The following DIP2C variants were observed in gnomAD, a reference collection of about 807,000 sequenced individuals.
The protein encoded by DIP2C is DIP2 acetate--CoA ligase C (putative), also known as disco-interacting protein 2 homolog C.
In DIP2C, 33 loss-of-function variants were observed where a neutral mutation model predicts 192.4. The ratio of observed to expected loss-of-function variants is 0.17; its 90% CI spans 0.13 to 0.23. The LOEUF is 0.23. Among genes scored for constraint, DIP2C ranks in the 10% least tolerant of loss-of-function variants. The probability of loss-of-function intolerance (pLI) is 1.00; values close to 1 mark genes in which losing one functional copy is unlikely to be tolerated. For synonymous variants in DIP2C, 979 were observed against 864.1 expected (o/e 1.13, Z -2.33); for missense variants, 1,537 against 2,110.1 (o/e 0.73, Z 5.32).
intron 1 of DIP2C, among the ~76,000 whole-genome samples, chr10:563,549 T>C (rs1292976996): frequency 6.6e-6 from 1 of 152,168 alleles, no homozygotes; most frequent in East Asian, 1.9e-4. Flanking sequence ...TATTTCCAAC[T>C]CGCAGGAAAG....
intron 32 of DIP2C, among the ~76,000 whole-genome samples, chr10:299,550 G>A (rs1430464224): frequency 2.0e-5 from 3 of 152,208 alleles, no homozygotes; most frequent in Admixed American, 6.5e-5. Flanking sequence ...ACTGTAGACT[G>A]TTAAAGGAAC....
chr10:676,413 G>T (rs1325956012), intron 1 of DIP2C, among the ~76,000 whole-genome samples: 3 of 151,744 alleles, frequency 2.0e-5, no homozygotes, highest in East Asian at 1.9e-4. Context: ...CTAGTCAAGA[G>T]CAATCAGGCA....
chr10:644,849 T>C (rs903466549), intron 1 of DIP2C, among the ~76,000 whole-genome samples: 5 of 152,236 alleles, frequency 3.3e-5, no homozygotes, highest in Non-Finnish European at 5.9e-5. Context: ...GCCTCAGACA[T>C]ACAATTTAGC....
intron 1 of DIP2C, among the ~76,000 whole-genome samples, chr10:548,569 G>C (rs1848425412): frequency 6.6e-6 from 1 of 150,792 alleles, no homozygotes; most frequent in Non-Finnish European, 1.5e-5. Flanking sequence ...GATGTGGCCG[G>C]GAGGGAGGTG....
At chr10:576,101 T>C (rs930014916) in intron 1 of DIP2C, among the ~76,000 whole-genome samples, 1 of 152,210 alleles carries the variant, frequency 6.6e-6, no homozygotes, top group African/African-American at 2.4e-5. Context: ...CACGCTCCTG[T>C]ACGGGTTTGC....
At chr10:583,265 C>G (rs1296057424) in intron 1 of DIP2C, among the ~76,000 whole-genome samples, 2 of 152,352 alleles carry the variant, frequency 1.3e-5, no homozygotes, top group Non-Finnish European at 2.9e-5. Flanking sequence ...CGGCATATCA[C>G]TAAAGCGCAA....
chr10:615,369 A>G (rs975863761), intron 1 of DIP2C, among the ~76,000 whole-genome samples: 7 of 152,198 alleles, frequency 4.6e-5, no homozygotes, highest in Non-Finnish European at 8.8e-5. Flanking sequence ...AGCCACCCGC[A>G]TAGGGGCCAC....
intron 3 of DIP2C, among the ~76,000 whole-genome samples, chr10:457,046 A>T (rs1206335289): frequency 6.6e-6 from 1 of 152,174 alleles, no homozygotes; most frequent in Non-Finnish European, 1.5e-5. Context: ...CTCTGCTCAC[A>T]TATCCACCTC....
intron 8 of DIP2C, among the ~76,000 whole-genome samples, chr10:409,267 C>G (rs1247878577): frequency 6.6e-6 from 1 of 151,920 alleles, no homozygotes; most frequent in Non-Finnish European, 1.5e-5. Context: ...AAAGCTAAAA[C>G]CAAGTGTTGG....
intron 1 of DIP2C, among the ~76,000 whole-genome samples, chr10:560,394 GAAA>G (rs777105079): frequency 6.6e-6 from 1 of 151,338 alleles, no homozygotes; most frequent in Non-Finnish European, 1.5e-5. Context: ...AAAAAAAAAA[GAAA>G]AAAGTGTCAC....
At chr10:341,613 C>T (rs1260152556) in intron 28 of DIP2C, among the ~76,000 whole-genome samples, 2 of 152,106 alleles carry the variant, frequency 1.3e-5, no homozygotes, top group South Asian at 4.1e-4. Flanking sequence ...CGGGGCTGCA[C>T]TGAATGCATG....
chr10:466,384 C>T (rs781622526), intron 3 of DIP2C, among the ~76,000 whole-genome samples: 2,113 of 131,472 alleles, frequency 0.016, 19 homozygotes, highest in Non-Finnish European at 0.024. Flanking sequence ...ATACAAAAAT[C>T]AATTCAAGAT....
At chr10:588,180 C>T (rs1588533093) in intron 1 of DIP2C, among the ~76,000 whole-genome samples, 5 of 124,452 alleles carry the variant, frequency 4.0e-5, no homozygotes, top group Admixed American at 4.0e-4. Flanking sequence ...CCTGACCCTG[C>T]GGAAACCCCA....
intron 1 of DIP2C, among the ~76,000 whole-genome samples, chr10:489,766 C>T (rs1338936378): frequency 4.6e-5 from 5 of 107,950 alleles, no homozygotes; most frequent in South Asian, 4.1e-4. Flanking sequence ...TGACGGTGCC[C>T]GGGGCTTCCT....
Position 401,298 on chromosome 10 carries a change from C to T in DIP2C, c.1150-2079G>A, listed in dbSNP as rs12765833. ...GTAGCATTAGCATTACTCTTCCTTA[C>T]GGACAAGTTTGGTATGTGTTCATCA... On this transcript the variant is annotated intron_variant, in intron 9 of 36. Coordinates refer to ENST00000280886, the MANE Select transcript of DIP2C (RefSeq NM_014974.3). Among the ~76,000 whole-genome samples, 206 of 118,382 alleles carry T rather than the reference C, an allele frequency of 1.7e-3. 1 individual carries two copies. The highest frequency in any genetic ancestry group is 3.9e-3 in the African/African-American group (120 of 31,168). The allele number at this position is 118,382 out of a possible 152,430, so 77.7% of individuals were successfully genotyped here.
In DIP2C at chr10:651,238, G is replaced by A. The variant is rs767316167; in HGVS notation, c.85+38256C>T. ...TCACCTGCATCACACCAATGATGGC[G>A]TCACAGCGTGGGTTCCGGTCACCAG... On this transcript the variant is annotated intron_variant, in intron 1 of 36. Coordinates refer to ENST00000280886, the MANE Select transcript of DIP2C (RefSeq NM_014974.3). This position sits in a 1 kb window ranked among gnomAD's most constrained non-coding sequence, Gnocchi z 4.1. 2.4e-5 allele frequency: 17 copies of A among 716,422 alleles called. No homozygotes were observed. The highest frequency in any genetic ancestry group is 1.1e-4 in the East Asian group (4 of 37,282). The allele number at this position is 716,422 out of a possible 1,614,324, so 44.4% of individuals were successfully genotyped here. A position where few individuals can be genotyped will look rare whatever the true frequency, so the allele number is the denominator to read the frequency against.
chr10:487,195 A>C (rs938897079), intron 1 of DIP2C, among the ~76,000 whole-genome samples: 1 of 152,208 alleles, frequency 6.6e-6, no homozygotes, highest in Non-Finnish European at 1.5e-5. Flanking sequence ...CCTCATCGAC[A>C]CACAGAGGCC....
chr10:294,375 G>A (rs1323121612), intron 32 of DIP2C, among the ~76,000 whole-genome samples: 1 of 152,158 alleles, frequency 6.6e-6, no homozygotes, highest in African/African-American at 2.4e-5. Context: ...GGGAGGCTGA[G>A]GCAGGAGGAT....
intron 1 of DIP2C, among the ~76,000 whole-genome samples, chr10:495,191 CAG>C (rs977420492): frequency 9.3e-5 from 14 of 150,242 alleles, no homozygotes; most frequent in East Asian, 5.8e-4. Context: ...TTTGTAGAAA[CAG>C]AGTGGAATAG....
Sources: gnomAD v4.1 joint callset for allele counts (sites outside exome capture counted in the v4.1 genomes callset) on GRCh38, gnomAD v4.1.1 for gene constraint, Gnocchi (gnomAD v3.1) non-coding constraint, MANE v1.5 for transcripts, NCBI Gene and HGNC (gene_info 2026-07-23, HGNC 2026-07-21) for gene names.